The following NFKBIE variants were observed in gnomAD, a reference collection of about 807,000 sequenced individuals.
NFKBIE encodes the protein NFKB inhibitor epsilon.
In NFKBIE, 11 loss-of-function variants were observed where a neutral mutation model predicts 31.6. That is an observed-to-expected ratio of 0.35 (90% CI 0.22 to 0.58). The LOEUF is 0.58. Among genes scored for constraint, NFKBIE ranks in the 20% least tolerant of loss-of-function variants. NFKBIE has a pLI of 0.83. For missense variants in NFKBIE, 354 were observed against 465.7 expected, an observed-to-expected ratio of 0.76 and a Z score of 2.21; for synonymous variants, 208 against 210.1, an observed-to-expected ratio of 0.99 and a Z score of 0.09.
rs1010007828 is a variant in NFKBIE, at chr6:44,260,830, C to A, written c.692-291G>T. Among the ~76,000 whole-genome samples the A allele has an allele frequency of 2.7e-5, 2 of 74,564 alleles. No individual in the cohort carries two copies. Among genetic ancestry groups the A allele is most frequent in the Non-Finnish European group, 5.5e-5 (2 of 36,194 alleles). The allele number at this position is 74,564 out of a possible 152,430, so 48.9% of individuals were successfully genotyped here. A position where few individuals can be genotyped will look rare whatever the true frequency, so the allele number is the denominator to read the frequency against. ...CTCCTCCTATACACAAACTACAACACACACACACACACACACACACACACA... is the reference window on the plus strand; with the variant it reads ...CTCCTCCTATACACAAACTACAACAAACACACACACACACACACACACACA... On this transcript the variant is annotated intron_variant, in intron 3 of 5. Coordinates refer to ENST00000619360, the MANE Select transcript of NFKBIE (RefSeq NM_004556.3). This position sits in a 1 kb window ranked among gnomAD's most constrained non-coding sequence, Gnocchi z 5.5.
In NFKBIE at chr6:44,265,350, C is replaced by A. The variant is rs1309495571; in HGVS notation, c.-4G>T. On this transcript the variant is annotated 5_prime_UTR_variant, in exon 1 of 6. Transcript: ENST00000619360. ...GCCCCTTCCGCGCCTCCGACATGCC[C>A]GCGGCTCTGGCCGGCCGGGGCCCGG... 1.3e-6 allele frequency: 2 copies of A among 1,557,856 alleles called. No homozygotes were observed. The highest frequency in any genetic ancestry group is 1.8e-5 in the Admixed American group (1 of 54,524).
rs1271207750 is a variant in NFKBIE at position 44,265,545 on chromosome 6, G to C, written c.-199C>G. The C allele has an allele frequency of 1.3e-6, 2 of 1,575,114 alleles. No homozygotes were observed. The highest frequency in any genetic ancestry group is 8.6e-7 in the Non-Finnish European group (1 of 1,162,406). On this transcript the variant is annotated 5_prime_UTR_variant, in exon 1 of 6. Coordinates refer to ENST00000619360, the MANE Select transcript of NFKBIE (RefSeq NM_004556.3). Reference sequence around the variant, plus strand: ...GGAGCGCTGGCCAGGTCCACCCAGCGGTTACTGTGGGCAGCCGAACCGCCC... The same window carrying C: ...GGAGCGCTGGCCAGGTCCACCCAGCCGTTACTGTGGGCAGCCGAACCGCCC...
rs1480687456 is a variant in NFKBIE, at chr6:44,260,850, CACACAT to C, written c.692-317_692-312del. On this transcript the variant is annotated intron_variant, in intron 3 of 5. Transcript: ENST00000619360. The surrounding 1 kb of genome is among the most constrained non-coding windows in gnomAD (Gnocchi z 5.5). Reference sequence around the variant, plus strand: ...CAACACACACACACACACACACACACACACATACAGACACACACACACACACACACA... The same window carrying C: ...CAACACACACACACACACACACACACACAGACACACACACACACACACACA... Among the ~76,000 whole-genome samples the C allele has an allele frequency of 3.2e-4, 27 of 84,464 alleles. 1 individual carries two copies. The highest frequency in any genetic ancestry group is 4.6e-4 in the Non-Finnish European group (19 of 40,932). The allele number at this position is 84,464 out of a possible 152,430, so 55.4% of individuals were successfully genotyped here. A position where few individuals can be genotyped will look rare whatever the true frequency, so the allele number is the denominator to read the frequency against.
Position 44,265,428 on chromosome 6 carries a change from G to A in NFKBIE, c.-82C>T, listed in dbSNP as rs757340891. 1.9e-6 allele frequency: 3 copies of A among 1,539,262 alleles called. No individual in the cohort carries two copies. The highest frequency in any genetic ancestry group is 2.8e-5 in the African/African-American group (2 of 71,806). ...GCCGCGCCGCCTTTCCGGGTTGCGGGTCCGCTTGGCAGAGCGGGCGCCCGG... is the reference window on the plus strand; with the variant it reads ...GCCGCGCCGCCTTTCCGGGTTGCGGATCCGCTTGGCAGAGCGGGCGCCCGG... On this transcript the variant is annotated 5_prime_UTR_variant, in exon 1 of 6. Transcript: ENST00000619360.
At chr6:44,262,208 G>A (rs887013327) in intron 2 of NFKBIE, among the ~76,000 whole-genome samples, 4 of 152,158 alleles carry the variant, frequency 2.6e-5, no homozygotes, top group Admixed American at 6.5e-5. Context: ...GAGGCACCGG[G>A]CAGTCTCTCC....
At chr6:44,262,759 G>C in intron 1 of NFKBIE, 97 bp from the exon 2 acceptor site, 1 of 880,358 alleles carries the variant, frequency 1.1e-6, no homozygotes, top group South Asian at 1.4e-5. Flanking sequence ...ACTTTAACTA[G>C]CTACCCATAG....
In NFKBIE at chr6:44,262,602, C is replaced by T; in HGVS notation, c.426G>A (p.Leu142=). ...APAVLLCCLA[L]LPQEVLDIQN... ...GAATGTCCAGGACCTCCTGGGGCAG[C>T]AAAGCCAGGCAACAGAGCAGCACCG... The change falls in exon 2 of 6, where the codon TTG becomes TTA. Residue 142 remains leucine, a synonymous_variant. Coordinates refer to ENST00000619360, the MANE Select transcript of NFKBIE (RefSeq NM_004556.3). The T allele has an allele frequency of 1.9e-6, 3 of 1,614,166 alleles. No individual in the cohort carries two copies. Among genetic ancestry groups the T allele is most frequent in the Non-Finnish European group, 2.5e-6 (3 of 1,180,004 alleles).
In NFKBIE at chr6:44,259,135, A is replaced by G; in HGVS notation, c.*84T>C. 6.9e-7 allele frequency: 1 copy of G among 1,447,882 alleles called. No individual in the cohort carries two copies. Among genetic ancestry groups the G allele is most frequent in the Non-Finnish European group, 9.7e-7 (1 of 1,034,468 alleles). 89.7% of individuals were successfully genotyped at this position (1,447,882 alleles called of 1,614,324 possible). A position where few individuals can be genotyped will look rare whatever the true frequency, so the allele number is the denominator to read the frequency against. ...TCCCTAGGGCACCAGAAGAGCACATAGCCTGGGCCCAAACTGCAGCAGTTA... is the reference window on the plus strand; with the variant it reads ...TCCCTAGGGCACCAGAAGAGCACATGGCCTGGGCCCAAACTGCAGCAGTTA... On this transcript the variant is annotated 3_prime_UTR_variant, in exon 6 of 6. Transcript: ENST00000619360.
rs1781914093 is a variant in NFKBIE at position 44,261,347 on chromosome 6, T to G, written c.691+279A>C. Among the ~76,000 whole-genome samples the G allele has an allele frequency of 6.6e-6, 1 of 152,254 alleles. No individual in the cohort carries two copies. The highest frequency in any genetic ancestry group is 2.4e-5 in the African/African-American group (1 of 41,470). ...ACATAGAAAACCCTCAGTACATTTC[T>G]GTTGAATGAATGAATCAGGTCATCT... On this transcript the variant is annotated intron_variant, in intron 3 of 5. Transcript: ENST00000619360. The surrounding 1 kb of genome is among the most constrained non-coding windows in gnomAD (Gnocchi z 4.3).
chr6:44,264,099 C>T (rs1285951430), intron 1 of NFKBIE, among the ~76,000 whole-genome samples: 3 of 152,196 alleles, frequency 2.0e-5, no homozygotes, highest in East Asian at 3.8e-4. Flanking sequence ...CCTCCTGCCT[C>T]CCCTACTCCT....
rs1314708540 is a variant in NFKBIE, at chr6:44,265,081, T to C, written c.266A>G (p.Glu89Gly). 2.6e-6 allele frequency: 4 copies of C among 1,561,202 alleles called. No individual in the cohort carries two copies. Among genetic ancestry groups the C allele is most frequent in the Non-Finnish European group, 3.5e-6 (4 of 1,151,728 alleles). ...TYTLSLLGGP[E>G]AEDPAPRLPL... The stretch of plus-strand genomic sequence containing the variant: ...CAGGCGTGGGGCCGGGTCCTCAGCC[T>C]CGGGGCCCCCCAGCAAGGACAGGGT... The change falls in exon 1 of 6, where the codon GAG becomes GGG. Residue 89 changes from glutamate to glycine, a missense_variant. This residue lies in a region of NFKBIE where 171 missense variants were observed against 155.1 expected (regional missense o/e 1.10). Coordinates refer to ENST00000619360, the MANE Select transcript of NFKBIE (RefSeq NM_004556.3).
Position 44,260,975 on chromosome 6 carries a change from C to T in NFKBIE, c.692-436G>A, listed in dbSNP as rs1039313001. Among the ~76,000 whole-genome samples the T allele has an allele frequency of 2.0e-5, 3 of 152,030 alleles. No homozygotes were observed. The highest frequency in any genetic ancestry group is 2.9e-5 in the Non-Finnish European group (2 of 67,998). On this transcript the variant is annotated intron_variant, in intron 3 of 5. Transcript: ENST00000619360. This position sits in a 1 kb window ranked among gnomAD's most constrained non-coding sequence, Gnocchi z 5.5. ...ATGCCCCCAGCCCTTTCTCAGGGGC[C>T]GCTTCCTTCTGTGCTCCCCTGGCCT...
chr6:44,261,593 G>A lies in NFKBIE; in HGVS notation c.691+33C>T, dbSNP rs1561913823. 3 of 1,602,328 alleles carry A rather than the reference G, an allele frequency of 1.9e-6. No individual in the cohort carries two copies. The highest frequency in any genetic ancestry group is 1.1e-5 in the South Asian group (1 of 90,418). On this transcript the variant is annotated intron_variant, in intron 3 of 5. Coordinates refer to ENST00000619360, the MANE Select transcript of NFKBIE (RefSeq NM_004556.3). The surrounding 1 kb of genome is among the most constrained non-coding windows in gnomAD (Gnocchi z 4.3). ...TCTCCTATGCCCTCCTCATCCCACA[G>A]GCCCTAAGGGCAGTCTTAAAGACTG...
In NFKBIE at chr6:44,261,897, C is replaced by T; in HGVS notation, c.469-49G>A. On this transcript the variant is annotated intron_variant, in intron 2 of 5. Transcript: ENST00000619360. The surrounding 1 kb of genome is among the most constrained non-coding windows in gnomAD (Gnocchi z 4.3). ...TGGGGCCACTGCAGCATGCTCCCACCTCTGGGAACATGCTTGGGCTCAAGA... is the reference window on the plus strand; with the variant it reads ...TGGGGCCACTGCAGCATGCTCCCACTTCTGGGAACATGCTTGGGCTCAAGA... 1 of 1,503,234 alleles carries T rather than the reference C, an allele frequency of 6.7e-7. No homozygotes were observed. The highest frequency in any genetic ancestry group is 9.1e-7 in the Non-Finnish European group (1 of 1,103,902). 93.1% of individuals were successfully genotyped at this position (1,503,234 alleles called of 1,614,324 possible). A position where few individuals can be genotyped will look rare whatever the true frequency, so the allele number is the denominator to read the frequency against.
At position 44,265,397 on chromosome 6, in the gene NFKBIE, G is replaced by C. The variant is rs765482726; in HGVS notation, c.-51C>G. On this transcript the variant is annotated 5_prime_UTR_variant, in exon 1 of 6. Transcript: ENST00000619360. ...CCGGTCTGAGCAGGATCCGGCTCCAGGCTCCGCCGCGCCGCCTTTCCGGGT... is the reference window on the plus strand; with the variant it reads ...CCGGTCTGAGCAGGATCCGGCTCCACGCTCCGCCGCGCCGCCTTTCCGGGT... The C allele has an allele frequency of 1.3e-6, 2 of 1,551,974 alleles. No homozygotes were observed. The highest frequency in any genetic ancestry group is 1.7e-6 in the Non-Finnish European group (2 of 1,156,338).
chr6:44,264,789 C>A (rs957540232), intron 1 of NFKBIE, among the ~76,000 whole-genome samples, 193 bp downstream of exon 1: 2 of 152,192 alleles, frequency 1.3e-5, no homozygotes, highest in African/African-American at 4.8e-5. Flanking sequence ...TCTGCCCACC[C>A]CGAAATGGGA....
chr6:44,262,444 G>T lies in NFKBIE; in HGVS notation c.468+116C>A, dbSNP rs769737465. The T allele has an allele frequency of 7.2e-5, 60 of 835,742 alleles. 1 individual carries two copies. The highest frequency in any genetic ancestry group is 1.1e-4 in the Non-Finnish European group (57 of 510,834). The allele number at this position is 835,742 out of a possible 1,614,324, so 51.8% of individuals were successfully genotyped here. A position where few individuals can be genotyped will look rare whatever the true frequency, so the allele number is the denominator to read the frequency against. On this transcript the variant is annotated intron_variant, in intron 2 of 5. Transcript: ENST00000619360. ...CTTGGGTCTGTCTCCTCAGTTTCTA[G>T]CTCAGTGTCTGGCATATGGTTTCCT...
At chr6:44,259,795 C>G (rs1362538494) in intron 5 of NFKBIE, among the ~76,000 whole-genome samples, 1 of 152,128 alleles carries the variant, frequency 6.6e-6, no homozygotes, top group East Asian at 1.9e-4. Context: ...TCTTATAGGC[C>G]TCACCACACC....
At position 44,261,090 on chromosome 6, in the gene NFKBIE, G is replaced by A. The variant is rs1408812941; in HGVS notation, c.691+536C>T. Among the ~76,000 whole-genome samples the A allele has an allele frequency of 1.3e-5, 2 of 152,042 alleles. No homozygotes were observed. The highest frequency in any genetic ancestry group is 4.8e-5 in the African/African-American group (2 of 41,386). ...ATTTACATTCTTCACCTTCCTCAGGGCGCTATTCAGATGTCACTGGCTCCA... is the reference window on the plus strand; with the variant it reads ...ATTTACATTCTTCACCTTCCTCAGGACGCTATTCAGATGTCACTGGCTCCA... On this transcript the variant is annotated intron_variant, in intron 3 of 5. Transcript: ENST00000619360. This position sits in a 1 kb window ranked among gnomAD's most constrained non-coding sequence, Gnocchi z 4.3.
Sources: allele counts gnomAD v4.1 joint callset (sites outside exome capture counted in the v4.1 genomes callset), GRCh38; gene constraint gnomAD v4.1.1; regional missense constraint gnomAD v4.1.1; non-coding constraint Gnocchi (gnomAD v3.1); transcripts MANE v1.5; gene names NCBI Gene and HGNC (gene_info 2026-07-23, HGNC 2026-07-21).